Variants in SYCP2 observed in about 807,000 individuals in gnomAD.
SYCP2 encodes synaptonemal complex protein 2.
SYCP2 carries 55 observed loss-of-function variants against 211.3 expected under a neutral mutation model. That is an observed-to-expected ratio of 0.26 (90% CI 0.21 to 0.33). The LOEUF (loss-of-function observed/expected upper bound fraction) is 0.33. SYCP2 is among the 10% of genes least tolerant of loss of function. SYCP2 has a pLI of 1.00. For synonymous variants in SYCP2, 570 were observed against 555.2 expected, an observed-to-expected ratio of 1.03 and a Z score of -0.37; for missense variants, 1,731 against 1,752.0, an observed-to-expected ratio of 0.99 and a Z score of 0.21.
chr20:59,912,231 T>G (rs1458062095), intron 13 of SYCP2, 142 bp downstream of exon 13: 1 of 500,770 alleles, frequency 2.0e-6, no homozygotes, highest in African/African-American at 2.0e-5. Context: ...GGTTTCACTG[T>G]CAGATACAGA....
intron 14 of SYCP2, 69 bp downstream of exon 14, chr20:59,911,681 T>A: frequency 1.6e-6 from 1 of 641,278 alleles, no homozygotes. Context: ...GAAATCCACA[T>A]TCTTAAAGTA....
chr20:59,873,749 A>C, intron 35 of SYCP2, 107 bp downstream of exon 35: 1 of 1,028,256 alleles, frequency 9.7e-7, no homozygotes, highest in East Asian at 2.6e-5. Flanking sequence ...GACCAAACCC[A>C]AAACCTTAAA....
chr20:59,921,389 A>G lies in SYCP2; in HGVS notation c.89T>C (p.Leu30Ser), dbSNP rs1046595972. The G allele has an allele frequency of 2.2e-5, 36 of 1,607,002 alleles. No individual in the cohort carries two copies. The highest frequency in any genetic ancestry group is 4.0e-5 in the African/African-American group (3 of 74,652). The change falls in exon 4 of 45, where the codon TTG (leucine) becomes TCG (serine). Residue 30 changes from leucine to serine, a missense_variant. Around this residue, in one of 3 missense-constraint regions of SYCP2, gnomAD observed 335 missense variants for 378.8 expected, o/e 0.88. Transcript: ENST00000357552. ...KNDFKPLKTL[L>S]QIDICEDVKI... ...CACATCTTCACAAATATCAATTTGC[A>G]AAAGTGTTTTCAAAGGTTTGAAATC...
chr20:59,927,576 T>G (rs1474571587), intron 2 of SYCP2, among the ~76,000 whole-genome samples: 2 of 152,046 alleles, frequency 1.3e-5, no homozygotes, highest in African/African-American at 4.8e-5. Flanking sequence ...AATGGCCTCA[T>G]GAAGAAAGGA....
chr20:59,901,754 T>C lies in SYCP2; in HGVS notation c.1090A>G (p.Lys364Glu). 1.9e-6 allele frequency: 3 copies of C among 1,606,280 alleles called. No homozygotes were observed. The highest frequency in any genetic ancestry group is 2.6e-6 in the Non-Finnish European group (3 of 1,175,824). The part of the protein sequence containing the change: ...IILKNTVKIS[K>E]REGKELLLYF... ...AAAAGCAATTCTTTCCCTTCTCTTT[T>C]GCTAATTTTTACTGTATTTTTCAGA... The change falls in exon 16 of 45, where the codon AAA becomes GAA. Residue 364 changes from lysine (K) to glutamate (E), a missense_variant. Physicochemically the swap from Lys to Glu is moderately conservative, Grantham distance 56. Coordinates refer to ENST00000357552, the MANE Select transcript of SYCP2 (RefSeq NM_014258.4).
chr20:59,867,572 A>T (rs2059375745), intron 39 of SYCP2, 139 bp downstream of exon 39: 1 of 605,022 alleles, frequency 1.7e-6, no homozygotes, highest in African/African-American at 2.0e-5. Flanking sequence ...ATTTTATTCC[A>T]ATTATTCACA....
chr20:59,879,822 AATATATATATATATATATATAT>A (rs1159547809), intron 31 of SYCP2, among the ~76,000 whole-genome samples: 11 of 51,086 alleles, frequency 2.2e-4, no homozygotes, highest in Non-Finnish European at 2.9e-4. Context: ...AATATAAATA[AATATATATATATATATATATAT>A]ATATATATAT....
chr20:59,932,578 G>A (rs1358119186), intron 1 of SYCP2, among the ~76,000 whole-genome samples: 1 of 152,134 alleles, frequency 6.6e-6, no homozygotes, highest in Admixed American at 6.5e-5. Flanking sequence ...GGAGGCTGAA[G>A]CAGGAGAATC....
At position 59,922,410 on chromosome 20, in the gene SYCP2, G is replaced by A; in HGVS notation, c.4C>T (p.Pro2Ser). The A allele has an allele frequency of 6.4e-7, 1 of 1,556,384 alleles. No homozygotes were observed. The highest frequency in any genetic ancestry group is 8.6e-7 in the Non-Finnish European group (1 of 1,157,794). M[P>S]IRPDLQQLEK... is the part of the protein sequence containing the mutation. ...CATACCTGGAGATCTGGTCTTATTG[G>A]CATTTTGACTTCATTTAAAAAAAAA... The change falls in exon 3 of 45, where the codon CCA becomes TCA. Residue 2 changes from proline (P) to serine (S), a missense_variant. Coordinates refer to ENST00000357552, the MANE Select transcript of SYCP2 (RefSeq NM_014258.4).
rs144628592 is a variant in SYCP2, at chr20:59,920,418, T to C, written c.238A>G (p.Ile80Val). The C allele has an allele frequency of 9.3e-6, 15 of 1,610,336 alleles. No individual in the cohort carries two copies. The African/African-American group carries it at 1.9e-4, about 20-fold the overall frequency. The change falls in exon 5 of 45, where the codon ATC becomes GTC. Residue 80 changes from isoleucine to valine, a missense_variant. Around this residue, in one of 3 missense-constraint regions of SYCP2, gnomAD observed 335 missense variants for 378.8 expected, o/e 0.88. Coordinates refer to ENST00000357552, the MANE Select transcript of SYCP2 (RefSeq NM_014258.4). Reference protein sequence around the residue: ...LVSVGRCGKNISVLGQAGLLT... With the variant: ...LVSVGRCGKNVSVLGQAGLLT... ...AGTCCAGCTTGCCCCAATACACTGA[T>C]ATTTTTGCCACATCTTCCAACAGAA...
At chr20:59,931,829 C>T (rs2060748955) in intron 2 of SYCP2, among the ~76,000 whole-genome samples, 1 of 152,048 alleles carries the variant, frequency 6.6e-6, no homozygotes, top group Non-Finnish European at 1.5e-5. Flanking sequence ...AAGCTGAATG[C>T]ATACAGGCCA....
chr20:59,877,339 T>C, intron 33 of SYCP2, 46 bp downstream of exon 33: 1 of 1,282,144 alleles, frequency 7.8e-7, no homozygotes, highest in Non-Finnish European at 1.0e-6. Flanking sequence ...ATATATTTAG[T>C]ATTTTAAGAG....
rs771320374 is a variant in SYCP2 at position 59,915,559 on chromosome 20, GA to G, written c.514-10del. 21 of 1,532,120 alleles carry G rather than the reference GA, an allele frequency of 1.4e-5. 1 individual carries two copies. The highest frequency in any genetic ancestry group is 8.2e-5 in the African/African-American group (6 of 72,800). 94.9% of individuals were successfully genotyped at this position (1,532,120 alleles called of 1,614,324 possible). On this transcript the variant is annotated splice_polypyrimidine_tract_variant and intron_variant, in intron 8 of 44. Coordinates refer to ENST00000357552, the MANE Select transcript of SYCP2 (RefSeq NM_014258.4). ...TTCATTTTTTTTATAATCTAGAAAA[GA>G]AAAAAAGATAATGCATTAACTTTAC... is the stretch of plus-strand genomic sequence containing the variant.
At chr20:59,916,432 G>A in intron 8 of SYCP2, 54 bp downstream of exon 8, 1 of 1,030,306 alleles carries the variant, frequency 9.7e-7, no homozygotes, top group Non-Finnish European at 1.5e-6. Flanking sequence ...AATTGCTATT[G>A]ATTTTCTTCA....
At chr20:59,897,189 T>C (rs8120273) in intron 18 of SYCP2, among the ~76,000 whole-genome samples, 6 of 152,072 alleles carry the variant, frequency 3.9e-5, no homozygotes, top group Non-Finnish European at 7.3e-5. Flanking sequence ...ACATACTGCA[T>C]AGAGGCATAA....
chr20:59,907,687 T>C (rs1007779706), intron 14 of SYCP2, among the ~76,000 whole-genome samples: 1 of 152,200 alleles, frequency 6.6e-6, no homozygotes, highest in African/African-American at 2.4e-5. Context: ...GTTAATATTA[T>C]ATTTATTAGA....
Position 59,865,415 on chromosome 20 carries a change from C to T in SYCP2, c.4488G>A (p.Val1496=). 2 of 1,610,016 alleles carry T rather than the reference C, an allele frequency of 1.2e-6. No individual in the cohort carries two copies. Among genetic ancestry groups the T allele is most frequent in the Non-Finnish European group, 1.7e-6 (2 of 1,178,030 alleles). Residue 1496 remains valine, a synonymous_variant, in exon 44 of 45, where the codon GTG becomes GTA. Transcript: ENST00000357552. ...EMCLMKEDMK[V]LQDRLLKDML... ...TGTCCTTAAGAAGCCTGTCTTGCAGCACTTTCATATCTTCTTTCATCAAAC... is the reference window on the plus strand; with the variant it reads ...TGTCCTTAAGAAGCCTGTCTTGCAGTACTTTCATATCTTCTTTCATCAAAC...
rs1268296360 is a variant in SYCP2 at position 59,919,569 on chromosome 20, T to C, written c.326A>G (p.Asp109Gly). Residue 109 changes from aspartate (D) to glycine (G), a missense_variant, in exon 6 of 45, where the codon GAC (aspartate) becomes GGC (glycine). Around this residue, in one of 3 missense-constraint regions of SYCP2, gnomAD observed 335 missense variants for 378.8 expected, o/e 0.88. Coordinates refer to ENST00000357552, the MANE Select transcript of SYCP2 (RefSeq NM_014258.4). ...TGAATTTCCTTGACTCTGAATAATG[T>C]CCTTGGATTTTTCAAACCAGGCAAC... ...KMVAWFEKSK[D>G]IIQSQGNSKD... 6.2e-7 allele frequency: 1 copy of C among 1,609,030 alleles called. No individual in the cohort carries two copies. Among genetic ancestry groups the C allele is most frequent in the Middle Eastern group, 1.7e-4 (1 of 6,042 alleles).
Position 59,866,277 on chromosome 20 carries a change from T to C in SYCP2, c.4320+16A>G, listed in dbSNP as rs775938923. 3.3e-6 allele frequency: 5 copies of C among 1,536,598 alleles called. No homozygotes were observed. The highest frequency in any genetic ancestry group is 1.4e-5 in the African/African-American group (1 of 71,466). ...AAGGTTTTAAACTTATTTAAAAAAT[T>C]TTTAAAGTAACAAACCACAAATTCC... On this transcript the variant is annotated intron_variant, in intron 41 of 44. Transcript: ENST00000357552.
Sources: allele counts gnomAD v4.1 joint callset (sites outside exome capture counted in the v4.1 genomes callset), GRCh38; gene constraint gnomAD v4.1.1; regional missense constraint gnomAD v4.1.1; transcripts MANE v1.5; gene names NCBI Gene and HGNC (gene_info 2026-07-23, HGNC 2026-07-21).